The following STK39 variants were observed in gnomAD, a reference collection of about 807,000 sequenced individuals.
STK39 encodes the protein serine/threonine kinase 39, also known as STE20/SPS1-related proline-alanine-rich protein kinase.
In STK39, 20 loss-of-function variants were observed where a neutral mutation model predicts 77.8. The observed-to-expected ratio is 0.26, with a 90% CI of 0.18 to 0.37. The LOEUF (loss-of-function observed/expected upper bound fraction) is 0.37. STK39 is among the 10% of genes least tolerant of loss of function. The probability of loss-of-function intolerance (pLI) is 1.00; values close to 1 mark genes in which losing one functional copy is unlikely to be tolerated. For synonymous variants in STK39, 246 were observed against 234.1 expected (o/e 1.05, Z -0.47); for missense variants, 479 against 656.5 (o/e 0.73, Z 2.95).
At chr2:168,129,638 T>A in intron 9 of STK39, 32 bp from the exon 10 acceptor site, 2 of 1,614,028 alleles carry the variant, frequency 1.2e-6, no homozygotes, top group Non-Finnish European at 1.7e-6. Flanking sequence ...CAGTTTAACA[T>A]CAAATATGAT....
intron 5 of STK39, among the ~76,000 whole-genome samples, chr2:168,161,316 C>T (rs946891808): frequency 6.6e-6 from 1 of 152,184 alleles, no homozygotes; most frequent in African/African-American, 2.4e-5. Flanking sequence ...AGCCTACCAG[C>T]TTTGTCAAGA....
chr2:168,203,309 A>G (rs1689658680), intron 1 of STK39, among the ~76,000 whole-genome samples: 1 of 152,184 alleles, frequency 6.6e-6, no homozygotes, highest in Admixed American at 6.5e-5. Context: ...CGACCCATTA[A>G]GGTCCTGGCT....
At chr2:167,987,488 A>AT (rs1553510102) in intron 16 of STK39, among the ~76,000 whole-genome samples, 3 of 151,798 alleles carry the variant, frequency 2.0e-5, no homozygotes, top group Non-Finnish European at 4.4e-5. Flanking sequence ...CTGGGACAAA[A>AT]ATATATATAT....
At chr2:168,064,828 T>C (rs1190983951) in intron 13 of STK39, among the ~76,000 whole-genome samples, 1 of 152,186 alleles carries the variant, frequency 6.6e-6, no homozygotes. Context: ...CCTCCCACCA[T>C]GGCTCACAGC....
intron 10 of STK39, among the ~76,000 whole-genome samples, chr2:168,105,987 G>A (rs114074735): frequency 0.012 from 1,894 of 152,270 alleles, 12 homozygotes; most frequent in Non-Finnish European, 0.02. Flanking sequence ...ATTTTGAAAC[G>A]AAGCCTTGCT....
intron 1 of STK39, among the ~76,000 whole-genome samples, chr2:168,236,674 C>G (rs184223581): frequency 0.019 from 2,969 of 152,292 alleles, 44 homozygotes; most frequent in Non-Finnish European, 0.032. Context: ...TATGGCTAGC[C>G]AGTTTTCCCA....
intron 1 of STK39, among the ~76,000 whole-genome samples, chr2:168,206,477 T>G (rs1172761483): frequency 1.3e-5 from 2 of 152,132 alleles, no homozygotes; most frequent in Non-Finnish European, 2.9e-5. Flanking sequence ...ATTTTCGTTA[T>G]TTTTATTAGA....
intron 10 of STK39, among the ~76,000 whole-genome samples, chr2:168,119,232 T>C (rs2105485392): frequency 6.6e-6 from 1 of 152,284 alleles, no homozygotes; most frequent in African/African-American, 2.4e-5. Context: ...AAACCCATAA[T>C]ATGCACGGTA....
intron 17 of STK39, among the ~76,000 whole-genome samples, chr2:167,963,798 T>A (rs1339261532): frequency 6.6e-6 from 1 of 152,214 alleles, no homozygotes; most frequent in Non-Finnish European, 1.5e-5. Context: ...TTTAGCATTT[T>A]TGGTCACCCA....
intron 16 of STK39, among the ~76,000 whole-genome samples, chr2:167,983,185 A>G (rs1016071083): frequency 1.3e-5 from 2 of 152,170 alleles, no homozygotes; most frequent in East Asian, 3.9e-4. Context: ...TAGCATAGAA[A>G]TTGTAGGAAA....
intron 1 of STK39, among the ~76,000 whole-genome samples, chr2:168,186,266 T>C (rs1559138022): frequency 1.3e-5 from 2 of 152,212 alleles, no homozygotes; most frequent in Non-Finnish European, 2.9e-5. Flanking sequence ...GTCAGCACAT[T>C]GATCTGGACT....
At position 167,973,096 on chromosome 2, in the gene STK39, T is replaced by C. The variant is rs183782457; in HGVS notation, c.1499-8370A>G. Among the ~76,000 whole-genome samples, 449 of 152,286 alleles carry C rather than the reference T, an allele frequency of 2.9e-3. 3 individuals are homozygous for C. Among genetic ancestry groups the C allele is most frequent in the African/African-American group, 0.01 (428 of 41,556 alleles). ...ATATGTGTTATGTGTGTAATGTTTA[T>C]ATAAAAGAGCTCTAATTAATTGGCT... is the stretch of plus-strand genomic sequence containing the variant. On this transcript the variant is annotated intron_variant, in intron 16 of 17. Coordinates refer to ENST00000355999, the MANE Select transcript of STK39 (RefSeq NM_013233.3).
intron 1 of STK39, among the ~76,000 whole-genome samples, chr2:168,207,239 TCTC>T (rs1263413170): frequency 2.0e-5 from 3 of 152,234 alleles, no homozygotes; most frequent in African/African-American, 2.4e-5. Context: ...TTTCTTTAAT[TCTC>T]CTTTTTTGTT....
chr2:167,995,105 CTTTTG>C (rs1487665691), intron 16 of STK39, among the ~76,000 whole-genome samples: 2 of 150,502 alleles, frequency 1.3e-5, no homozygotes, highest in East Asian at 1.9e-4. Context: ...ATATATTTTT[CTTTTG>C]TTTTGTTTTT....
chr2:168,230,891 C>T (rs1305975846), intron 1 of STK39, among the ~76,000 whole-genome samples: 1 of 152,156 alleles, frequency 6.6e-6, no homozygotes, highest in African/African-American at 2.4e-5. Context: ...GGTTTGAGGT[C>T]TCTTGCTGCT....
At chr2:168,058,911 C>T (rs1685592620) in intron 14 of STK39, among the ~76,000 whole-genome samples, 1 of 152,212 alleles carries the variant, frequency 6.6e-6, no homozygotes, top group Non-Finnish European at 1.5e-5. Flanking sequence ...CTCTTTTGCT[C>T]ACAGGCCTCC....
At chr2:168,211,035 G>A (rs187444542) in intron 1 of STK39, among the ~76,000 whole-genome samples, 8 of 152,194 alleles carry the variant, frequency 5.3e-5, no homozygotes, top group Admixed American at 2.0e-4. Flanking sequence ...AAAGTATAAC[G>A]TATTAGTCCG....
chr2:168,092,179 T>C (rs1208082642), intron 10 of STK39, among the ~76,000 whole-genome samples: 2 of 152,198 alleles, frequency 1.3e-5, no homozygotes, highest in African/African-American at 4.8e-5. Flanking sequence ...ACGTCAGTGT[T>C]TTCCTATTGC....
At chr2:168,149,176 C>T (rs1309797536) in intron 5 of STK39, among the ~76,000 whole-genome samples, 1 of 131,568 alleles carries the variant, frequency 7.6e-6, no homozygotes, top group Non-Finnish European at 1.5e-5. Context: ...TAGTCCTGAC[C>T]TGTAAGATCC....
Sources: allele counts gnomAD v4.1 joint callset (sites outside exome capture counted in the v4.1 genomes callset), GRCh38; gene constraint gnomAD v4.1.1; transcripts MANE v1.5; gene names NCBI Gene and HGNC (gene_info 2026-07-23, HGNC 2026-07-21).